SUMF1: variants seen among roughly 807,000 people sequenced by gnomAD.
SUMF1 encodes formylglycine-generating enzyme.
A neutral mutation model predicts 47.6 loss-of-function variants in SUMF1; 48 were observed. That is an observed-to-expected ratio of 1.01 (90% CI 0.80 to 1.28). The LOEUF is 1.28. Among genes scored for constraint, SUMF1 ranks in the 50% most tolerant of loss-of-function variants. The probability of loss-of-function intolerance (pLI) is 0.00; values close to 1 mark genes in which losing one functional copy is unlikely to be tolerated. For synonymous variants in SUMF1, 230 were observed against 192.1 expected (o/e 1.20, Z -1.63); for missense variants, 571 against 485.4 (o/e 1.18, Z -1.66).
intron 8 of SUMF1, among the ~76,000 whole-genome samples, chr3:4,353,207 T>C (rs1037108052): frequency 3.3e-5 from 5 of 152,216 alleles, no homozygotes; most frequent in African/African-American, 1.2e-4. Context: ...AAGACCAGCT[T>C]GGGCAACATA....
intron 9 of SUMF1, among the ~76,000 whole-genome samples, chr3:4,039,204 T>C (rs10452015): frequency 0.23 from 28,581 of 124,204 alleles, 3,648 homozygotes; most frequent in South Asian, 0.41. Context: ...GAAACATCTA[T>C]GCAAATTTTT....
At chr3:4,347,741 T>C (rs1478199107) in intron 8 of SUMF1, among the ~76,000 whole-genome samples, 2 of 152,332 alleles carry the variant, frequency 1.3e-5, no homozygotes, top group Non-Finnish European at 2.9e-5. Context: ...GAAGTCAGAT[T>C]GTCTCTGTTT....
chr3:4,133,727 T>A (rs193235822), intron 8 of SUMF1, among the ~76,000 whole-genome samples: 2 of 152,126 alleles, frequency 1.3e-5, no homozygotes, highest in South Asian at 4.1e-4. Flanking sequence ...AGACTGGCTC[T>A]CCTTGTTCCT....
chr3:4,363,621 G>C (rs1046036428), intron 8 of SUMF1, among the ~76,000 whole-genome samples: 2 of 151,610 alleles, frequency 1.3e-5, no homozygotes, highest in East Asian at 3.9e-4. Flanking sequence ...AGGAGACTTT[G>C]GGCTGACACA....
At chr3:4,334,244 G>C (rs1165764331) in intron 8 of SUMF1, among the ~76,000 whole-genome samples, 1 of 152,096 alleles carries the variant, frequency 6.6e-6, no homozygotes, top group African/African-American at 2.4e-5. Flanking sequence ...TAACCATAGA[G>C]CTCTCTAAAA....
intron 3 of SUMF1, among the ~76,000 whole-genome samples, chr3:4,441,241 G>C (rs969907070): frequency 1.3e-5 from 2 of 152,186 alleles, no homozygotes; most frequent in African/African-American, 4.8e-5. Flanking sequence ...GCTCATGTGA[G>C]GGATCTGGGT....
chr3:4,323,945 T>C (rs145257322), intron 8 of SUMF1, among the ~76,000 whole-genome samples: 13 of 152,308 alleles, frequency 8.5e-5, no homozygotes, highest in African/African-American at 3.1e-4. Flanking sequence ...TCAATTCCTA[T>C]TACTTAGAAT....
intron 8 of SUMF1, among the ~76,000 whole-genome samples, chr3:4,196,512 C>T (rs1485247): frequency 0.31 from 47,244 of 151,902 alleles, 7,512 homozygotes; most frequent in East Asian, 0.4. Context: ...ATATGGATAT[C>T]TGCATTCCTA....
intron 8 of SUMF1, among the ~76,000 whole-genome samples, chr3:4,102,448 G>C (rs1033549864): frequency 6.6e-6 from 1 of 152,072 alleles, no homozygotes; most frequent in East Asian, 1.9e-4. Flanking sequence ...AGTAATGATA[G>C]AGTCCAGTCT....
intron 9 of SUMF1, among the ~76,000 whole-genome samples, chr3:4,042,900 C>T (rs1694936343): frequency 1.3e-5 from 2 of 152,104 alleles, no homozygotes; most frequent in Non-Finnish European, 2.9e-5. Context: ...GCCCTTGCAT[C>T]CCATCACCTC....
At chr3:4,295,752 A>C (rs1207922307) in intron 8 of SUMF1, among the ~76,000 whole-genome samples, 1 of 152,198 alleles carries the variant, frequency 6.6e-6, no homozygotes, top group African/African-American at 2.4e-5. Context: ...CAAACAATCC[A>C]CATTTGACTT....
intron 8 of SUMF1, among the ~76,000 whole-genome samples, chr3:4,148,713 A>C (rs568058275): frequency 2.6e-5 from 4 of 152,152 alleles, no homozygotes; most frequent in Admixed American, 6.5e-5. Context: ...CTTTACAAAA[A>C]CAGTCAATGG....
At chr3:4,444,624 T>C (rs1702718091) in intron 3 of SUMF1, among the ~76,000 whole-genome samples, 2 of 152,192 alleles carry the variant, frequency 1.3e-5, no homozygotes, top group Non-Finnish European at 2.9e-5. Flanking sequence ...AAATGCGTGA[T>C]TATAGACTAG....
At chr3:4,062,780 T>C (rs1695297657) in intron 9 of SUMF1, among the ~76,000 whole-genome samples, 1 of 152,182 alleles carries the variant, frequency 6.6e-6, no homozygotes, top group African/African-American at 2.4e-5. Context: ...AGTTTCAATA[T>C]GCATGCATTC....
At chr3:4,160,603 G>A (rs564241245) in intron 8 of SUMF1, among the ~76,000 whole-genome samples, 1 of 151,924 alleles carries the variant, frequency 6.6e-6, no homozygotes, top group Non-Finnish European at 1.5e-5. Context: ...CTGCTATTAA[G>A]AGACCCTGAT....
intron 8 of SUMF1, among the ~76,000 whole-genome samples, chr3:4,150,476 T>C (rs564781764): frequency 1.3e-5 from 2 of 151,116 alleles, no homozygotes; most frequent in South Asian, 4.2e-4. Context: ...GCAGGATAAT[T>C]GCTTGAACCG....
intron 8 of SUMF1, among the ~76,000 whole-genome samples, chr3:4,083,286 T>C (rs1329722162): frequency 6.6e-6 from 1 of 152,148 alleles, no homozygotes; most frequent in Non-Finnish European, 1.5e-5. Flanking sequence ...ACATGACATT[T>C]GAGTTAATAC....
chr3:4,227,624 A>T (rs947151943), intron 8 of SUMF1, among the ~76,000 whole-genome samples: 3 of 152,096 alleles, frequency 2.0e-5, no homozygotes, highest in African/African-American at 7.2e-5. Flanking sequence ...GCCAGACCAG[A>T]AAAGAGAAAC....
intron 8 of SUMF1, among the ~76,000 whole-genome samples, chr3:4,365,639 C>CTTTG (rs1443896304): frequency 6.8e-6 from 1 of 146,402 alleles, no homozygotes; most frequent in Admixed American, 6.9e-5. Flanking sequence ...TTCCTGAATA[C>CTTTG]AGCACACTGA....
Sources: allele counts gnomAD v4.1 joint callset (sites outside exome capture counted in the v4.1 genomes callset), GRCh38; gene constraint gnomAD v4.1.1; transcripts MANE v1.5; gene names NCBI Gene and HGNC (gene_info 2026-07-23, HGNC 2026-07-21).